MYO16: variants seen among roughly 807,000 people sequenced by gnomAD.
MYO16 encodes unconventional myosin-XVI.
Under a neutral mutation model 205.3 loss-of-function variants are expected in MYO16, and 94 were observed. The observed-to-expected ratio is 0.46, with a 90% CI of 0.39 to 0.54. The LOEUF is 0.54. Among genes scored for constraint, MYO16 ranks in the 20% least tolerant of loss-of-function variants. The pLI, the probability that MYO16 is intolerant of heterozygous loss-of-function variation, is 0.00. For synonymous variants in MYO16, 988 were observed against 954.0 expected, an observed-to-expected ratio of 1.04 and a Z score of -0.66; for missense variants, 2,315 against 2,387.5, an observed-to-expected ratio of 0.97 and a Z score of 0.63.
chr13:108,507,710 C>T, the MYO16 span, among the ~76,000 whole-genome samples: 1 of 152,022 alleles, frequency 6.6e-6, no homozygotes, highest in Admixed American at 6.6e-5. Flanking sequence ...AGTTCTCTGC[C>T]TCTTTCTCTT....
At chr13:109,175,645 C>T (rs1879136243) in intron 33 of MYO16, among the ~76,000 whole-genome samples, 1 of 152,146 alleles carries the variant, frequency 6.6e-6, no homozygotes, top group Admixed American at 6.5e-5. Context: ...GCAAGGGACA[C>T]ATGAATCTCT....
intron 20 of MYO16, among the ~76,000 whole-genome samples, chr13:108,980,268 C>G (rs1395653193): frequency 6.6e-6 from 1 of 152,112 alleles, no homozygotes; most frequent in Non-Finnish European, 1.5e-5. Context: ...TTTCTTGAGC[C>G]AAGAGTGCAG....
the MYO16 span, among the ~76,000 whole-genome samples, chr13:108,582,810 G>C: frequency 6.6e-6 from 1 of 152,160 alleles, no homozygotes; most frequent in African/African-American, 2.4e-5. Context: ...AGGCACACGG[G>C]CTGGGTTATT....
chr13:108,539,478 CT>C, the MYO16 span, among the ~76,000 whole-genome samples: 1 of 152,038 alleles, frequency 6.6e-6, no homozygotes, highest in Non-Finnish European at 1.5e-5. Flanking sequence ...CATAGTTTGT[CT>C]AGGAAACCAG....
chr13:108,692,688 T>C (rs1199672804), intron 2 of MYO16, among the ~76,000 whole-genome samples: 1 of 152,248 alleles, frequency 6.6e-6, no homozygotes, highest in Non-Finnish European at 1.5e-5. Context: ...ACAACAGTTA[T>C]GAATGCTTAA....
chr13:108,645,336 A>T (rs1304893467), intron 1 of MYO16, among the ~76,000 whole-genome samples: 1 of 152,224 alleles, frequency 6.6e-6, no homozygotes, highest in Non-Finnish European at 1.5e-5. Flanking sequence ...TAATGAAGTC[A>T]TGTTTCAGCA....
chr13:108,539,915 T>G, the MYO16 span, among the ~76,000 whole-genome samples: 1 of 152,092 alleles, frequency 6.6e-6, no homozygotes, highest in African/African-American at 2.4e-5. Context: ...ACTGGCACAA[T>G]TTTCAAGGAG....
chr13:109,081,492 G>A (rs1194182420), intron 27 of MYO16, among the ~76,000 whole-genome samples: 3 of 152,106 alleles, frequency 2.0e-5, no homozygotes, highest in Admixed American at 1.3e-4. Flanking sequence ...CAGACACCCC[G>A]CACTGTGGTG....
chr13:108,671,438 C>G (rs926331941), intron 2 of MYO16, among the ~76,000 whole-genome samples: 1 of 152,142 alleles, frequency 6.6e-6, no homozygotes, highest in Non-Finnish European at 1.5e-5. Flanking sequence ...CTCAGCAAGG[C>G]AACCTATATA....
At chr13:108,999,057 A>G (rs953026474) in intron 21 of MYO16, among the ~76,000 whole-genome samples, 2 of 152,110 alleles carry the variant, frequency 1.3e-5, no homozygotes, top group Non-Finnish European at 2.9e-5. Flanking sequence ...ATGGTGAAGG[A>G]CCAGTTTTAA....
chr13:109,104,033 T>A (rs912332394), intron 28 of MYO16, among the ~76,000 whole-genome samples: 1 of 152,118 alleles, frequency 6.6e-6, no homozygotes, highest in Non-Finnish European at 1.5e-5. Flanking sequence ...TATTTTAGAT[T>A]TGAGGTAATG....
chr13:108,766,069 A>G (rs1885767920), intron 4 of MYO16, among the ~76,000 whole-genome samples: 1 of 152,182 alleles, frequency 6.6e-6, no homozygotes, highest in South Asian at 2.1e-4. Flanking sequence ...ATAGTTCCTT[A>G]ATGAATAAAT....
chr13:109,072,094 T>C (rs1014659933), intron 27 of MYO16, among the ~76,000 whole-genome samples: 1 of 152,200 alleles, frequency 6.6e-6, no homozygotes. Context: ...CAGACCTTGA[T>C]TGAAGGTTCA....
At chr13:108,963,203 G>A (rs1883653433) in intron 19 of MYO16, among the ~76,000 whole-genome samples, 1 of 152,182 alleles carries the variant, frequency 6.6e-6, no homozygotes, top group African/African-American at 2.4e-5. Flanking sequence ...GTGATTGTGA[G>A]AACTCACCAT....
At chr13:108,534,119 G>A in the MYO16 span, among the ~76,000 whole-genome samples, 3 of 152,034 alleles carry the variant, frequency 2.0e-5, no homozygotes, top group Non-Finnish European at 4.4e-5. Context: ...TTCAAGTTCT[G>A]GTTTAACATT....
intron 2 of MYO16, among the ~76,000 whole-genome samples, chr13:108,679,147 A>C (rs1882353162): frequency 1.3e-5 from 2 of 152,154 alleles, no homozygotes; most frequent in African/African-American, 4.8e-5. Context: ...AAATACCTCT[A>C]GCCTGCTCCT....
chr13:108,567,903 G>A, the MYO16 span, among the ~76,000 whole-genome samples: 3 of 151,716 alleles, frequency 2.0e-5, no homozygotes, highest in African/African-American at 7.3e-5. Flanking sequence ...TACATTTTTC[G>A]GTCTCTTTAG....
intron 14 of MYO16, among the ~76,000 whole-genome samples, chr13:108,890,102 G>GAATTTTT (rs1555309571): frequency 2.1e-4 from 14 of 65,720 alleles, no homozygotes; most frequent in African/African-American, 7.8e-4. Context: ...GCTAATTTTT[G>GAATTTTT]TATTTTTTTT....
intron 23 of MYO16, among the ~76,000 whole-genome samples, chr13:109,022,062 A>C (rs918062399): frequency 2.7e-5 from 4 of 148,656 alleles, no homozygotes; most frequent in Non-Finnish European, 5.9e-5. Flanking sequence ...TTTTATGTAT[A>C]TAAAATGTAT....
Sources: allele counts gnomAD v4.1 joint callset (sites outside exome capture counted in the v4.1 genomes callset), GRCh38; gene constraint gnomAD v4.1.1; transcripts MANE v1.5; gene names NCBI Gene and HGNC (gene_info 2026-07-23, HGNC 2026-07-21).